PCDHA9: variants seen among roughly 807,000 people sequenced by gnomAD.
The protein encoded by PCDHA9 is protocadherin alpha 9.
In PCDHA9, 62 loss-of-function variants were observed where a neutral mutation model predicts 62.0. That is an observed-to-expected ratio of 1.00 (90% CI 0.81 to 1.23). PCDHA9 has a LOEUF of 1.23. Ranked by LOEUF, PCDHA9 falls within the 50% of genes most tolerant of loss-of-function variation. PCDHA9 has a pLI of 0.00. For missense variants in PCDHA9, 1,205 were observed against 1,249.8 expected (o/e 0.96, Z 0.54); for synonymous variants, 557 against 567.6 (o/e 0.98, Z 0.27).
At chr5:140,867,409 T>C (rs1299874634) in intron 1 of PCDHA9, 1 of 152,170 alleles carries the variant, frequency 6.6e-6, no homozygotes, top group Admixed American at 6.5e-5. Context: ...ATGTCTCCTT[T>C]AATTTTTTAA....
chr5:140,854,269 G>C, intron 1 of PCDHA9: 2 of 577,018 alleles, frequency 3.5e-6, no homozygotes, highest in Non-Finnish European at 4.4e-6. Flanking sequence ...TACATTAGTA[G>C]AAATTGAGTT....
chr5:140,884,803 C>T, intron 1 of PCDHA9: 1 of 1,225,142 alleles, frequency 8.2e-7, no homozygotes, highest in Non-Finnish European at 1.1e-6. Context: ...AATTTAACAA[C>T]TCTGCTGTGG....
At chr5:140,890,313 G>T (rs1191082730) in intron 1 of PCDHA9, among the ~76,000 whole-genome samples, 2 of 152,112 alleles carry the variant, frequency 1.3e-5, no homozygotes, top group South Asian at 2.1e-4. Context: ...ATATTAAGTT[G>T]TTTTAAGATA....
chr5:140,966,916 G>A lies in PCDHA9; in HGVS notation c.2395-12033G>A, dbSNP rs1554228883. On this transcript the variant is annotated intron_variant, in intron 1 of 3. Coordinates refer to ENST00000532602, the MANE Select transcript of PCDHA9 (RefSeq NM_031857.2). Reference sequence around the variant, plus strand: ...CCCAGCTGCGATACTCTGTGCCAGAGGAGCAGGCACCCGGCGCGCTCGTGG... The same window carrying A: ...CCCAGCTGCGATACTCTGTGCCAGAAGAGCAGGCACCCGGCGCGCTCGTGG... 13 of 1,602,486 alleles carry A rather than the reference G, an allele frequency of 8.1e-6. No individual in the cohort carries two copies. In the South Asian group the frequency reaches 1.4e-4, roughly 18 times the overall value.
intron 1 of PCDHA9, among the ~76,000 whole-genome samples, chr5:140,913,649 T>A (rs1284685382): frequency 1.3e-5 from 2 of 152,166 alleles, no homozygotes; most frequent in Non-Finnish European, 2.9e-5. Flanking sequence ...TTTCTAGTTC[T>A]TTAAGATGTA....
At chr5:140,909,087 T>G (rs2074309493) in intron 1 of PCDHA9, among the ~76,000 whole-genome samples, 1 of 152,234 alleles carries the variant, frequency 6.6e-6, no homozygotes, top group Admixed American at 6.5e-5. Flanking sequence ...TGTTTGCTAC[T>G]TCTCACTCAC....
At chr5:141,000,415 A>AT (rs1563651650) in intron 3 of PCDHA9, among the ~76,000 whole-genome samples, 6 of 87,394 alleles carry the variant, frequency 6.9e-5, no homozygotes, top group African/African-American at 1.5e-4. Flanking sequence ...ATATATATAT[A>AT]TATATATTTT....
chr5:140,893,519 C>T (rs1199543838), intron 1 of PCDHA9, among the ~76,000 whole-genome samples: 1 of 152,084 alleles, frequency 6.6e-6, no homozygotes, highest in African/African-American at 2.4e-5. Flanking sequence ...AGTTGTAGAA[C>T]TCCTTTAAGT....
rs561284006 is a variant in PCDHA9, at chr5:140,905,585, T to G, written c.2394+54696T>G. 2.0e-5 allele frequency among the ~76,000 whole-genome samples: 3 copies of G among 152,306 alleles called. No individual in the cohort carries two copies. The East Asian group carries it at 5.8e-4, about 29-fold the overall frequency. On this transcript the variant is annotated intron_variant, in intron 1 of 3. Coordinates refer to ENST00000532602, the MANE Select transcript of PCDHA9 (RefSeq NM_031857.2). ...AGTCATGTGAAGAATGATAATGATATTTTGCTGGGAATTGCATTGAATCTA... is the reference window on the plus strand; with the variant it reads ...AGTCATGTGAAGAATGATAATGATAGTTTGCTGGGAATTGCATTGAATCTA...
chr5:140,977,342 T>C (rs1554238451), intron 1 of PCDHA9, among the ~76,000 whole-genome samples: 3 of 152,222 alleles, frequency 2.0e-5, no homozygotes, highest in Non-Finnish European at 4.4e-5. Context: ...GAGACGGTGA[T>C]GATGACTGAT....
chr5:140,978,702 T>G (rs1200035752), intron 1 of PCDHA9, among the ~76,000 whole-genome samples: 2 of 152,252 alleles, frequency 1.3e-5, no homozygotes, highest in Non-Finnish European at 2.9e-5. Context: ...AAGCCAAAGG[T>G]GGCCTTTACA....
chr5:140,945,709 G>T (rs1033770128), intron 1 of PCDHA9, among the ~76,000 whole-genome samples: 1 of 151,930 alleles, frequency 6.6e-6, no homozygotes. Flanking sequence ...TGCAACAAAA[G>T]TATCAAGAAT....
intron 1 of PCDHA9, among the ~76,000 whole-genome samples, chr5:140,892,396 T>G (rs1263522999): frequency 1.3e-5 from 2 of 152,212 alleles, no homozygotes; most frequent in Non-Finnish European, 2.9e-5. Context: ...TCTTAATCTA[T>G]TTCAAGCTTC....
At chr5:140,876,724 G>T (rs140611870) in intron 1 of PCDHA9, 2 of 1,614,246 alleles carry the variant, frequency 1.2e-6, no homozygotes, top group Non-Finnish European at 1.7e-6. Context: ...CCGCGAGAGC[G>T]TGTCGGCCTA....
chr5:140,850,318 C>T lies in PCDHA9; in HGVS notation c.1823C>T (p.Ser608Leu), dbSNP rs1306863704. Residue 608 changes from serine to leucine, a missense_variant, in exon 1 of 4, where the codon TCA becomes TTA. Physicochemically the swap from Ser to Leu is moderately radical, Grantham distance 145. Transcript: ENST00000532602. ...GACTCGGGCTACAACGCGTGGCTTT[C>T]ATACGAGCTGCAGCCAGAAACGGCC... ...DADSGYNAWL[S>L]YELQPETASA... The T allele has an allele frequency of 4.4e-6, 7 of 1,597,384 alleles. 1 individual carries two copies. In the African/African-American group the frequency reaches 5.4e-5, roughly 12 times the overall value.
chr5:140,882,998 C>T, intron 1 of PCDHA9: 1 of 1,614,066 alleles, frequency 6.2e-7, no homozygotes. Context: ...GGAATTTTAC[C>T]AATCCGTTTA....
rs782641512 is a variant in PCDHA9 at position 140,857,970 on chromosome 5, C to T, written c.2394+7081C>T. The T allele has an allele frequency of 1.9e-5, 30 of 1,596,836 alleles. 3 individuals are homozygous for T. The highest frequency in any genetic ancestry group is 1.1e-4 in the African/African-American group (8 of 74,204). ...ACGCGCGCTCTGGATGAGACTGACT[C>T]GCCACGCCAGCGCCTACTGGTGCTG... On this transcript the variant is annotated intron_variant, in intron 1 of 3. Coordinates refer to ENST00000532602, the MANE Select transcript of PCDHA9 (RefSeq NM_031857.2).
intron 1 of PCDHA9, chr5:140,860,694 G>T (rs1263105739): frequency 2.6e-5 from 4 of 152,196 alleles, no homozygotes; most frequent in African/African-American, 7.2e-5. Context: ...TGAGCGACAG[G>T]ATATTGTTGT....
chr5:140,873,025 C>T (rs1206957639), intron 1 of PCDHA9, among the ~76,000 whole-genome samples: 1 of 152,148 alleles, frequency 6.6e-6, no homozygotes, highest in African/African-American at 2.4e-5. Context: ...GTTATTCTTA[C>T]TACACGTAGA....
Sources: gnomAD v4.1 joint callset for allele counts (sites outside exome capture counted in the v4.1 genomes callset) on GRCh38, gnomAD v4.1.1 for gene constraint, MANE v1.5 for transcripts, NCBI Gene and HGNC (gene_info 2026-07-23, HGNC 2026-07-21) for gene names.